Variants in NCAM2 observed in about 807,000 individuals in gnomAD.
NCAM2 encodes neural cell adhesion molecule 2.
NCAM2 carries 30 observed loss-of-function variants against 98.1 expected under a neutral mutation model. The observed-to-expected ratio is 0.31, with a 90% CI of 0.23 to 0.41. The LOEUF (loss-of-function observed/expected upper bound fraction) is 0.41. NCAM2 is among the 10% of genes least tolerant of loss of function. The probability of loss-of-function intolerance (pLI) is 1.00; values close to 1 mark genes in which losing one functional copy is unlikely to be tolerated. For synonymous variants in NCAM2, 368 were observed against 342.4 expected (o/e 1.07, Z -0.83); for missense variants, 867 against 1,005.8 (o/e 0.86, Z 1.87).
rs2146165598 is a variant in NCAM2 at position 21,456,036 on chromosome 21, C to T, written c.1655-10570C>T. ...AGAAACAAAAACCTGCCTAGTGTTGCAATTGGTGCGTTGATCTCAAATCTT... is the reference window on the plus strand; with the variant it reads ...AGAAACAAAAACCTGCCTAGTGTTGTAATTGGTGCGTTGATCTCAAATCTT... On this transcript the variant is annotated intron_variant, in intron 12 of 17. Transcript: ENST00000400546. 2.6e-5 allele frequency among the ~76,000 whole-genome samples: 4 copies of T among 152,148 alleles called. No individual in the cohort carries two copies. In the East Asian group the frequency reaches 7.7e-4, roughly 29 times the overall value.
chr21:21,053,345 A>G (rs1321067567), intron 1 of NCAM2, among the ~76,000 whole-genome samples: 1 of 151,990 alleles, frequency 6.6e-6, no homozygotes, highest in Non-Finnish European at 1.5e-5. Flanking sequence ...TCTTAAGTGA[A>G]TATGACATGT....
At chr21:21,488,312 CTCAT>C (rs1431060798) in intron 15 of NCAM2, among the ~76,000 whole-genome samples, 13 of 151,970 alleles carry the variant, frequency 8.6e-5, no homozygotes, top group Admixed American at 5.9e-4. Flanking sequence ...TGTAAGAATA[CTCAT>C]TCATTATGTT....
chr21:21,377,385 T>G (rs1034789064), intron 9 of NCAM2, among the ~76,000 whole-genome samples: 2 of 151,906 alleles, frequency 1.3e-5, no homozygotes, highest in African/African-American at 4.8e-5. Flanking sequence ...TCACTACAAT[T>G]TAGTTTACAT....
intron 15 of NCAM2, among the ~76,000 whole-genome samples, chr21:21,490,783 T>C (rs777664117): frequency 5.9e-5 from 9 of 152,024 alleles, no homozygotes; most frequent in Admixed American, 2.0e-4. Context: ...GCATTCGTTT[T>C]CATCATAGCT....
chr21:21,276,165 CTT>C (rs767593100), intron 1 of NCAM2, among the ~76,000 whole-genome samples: 5 of 152,024 alleles, frequency 3.3e-5, no homozygotes, highest in Non-Finnish European at 7.4e-5. Flanking sequence ...AATGGGCAAA[CTT>C]GATACACCCC....
intron 5 of NCAM2, among the ~76,000 whole-genome samples, chr21:21,323,285 C>G (rs1161843484): frequency 6.6e-6 from 1 of 152,086 alleles, no homozygotes; most frequent in Non-Finnish European, 1.5e-5. Flanking sequence ...ACTTTAGAGA[C>G]AACATGTCAG....
intron 1 of NCAM2, among the ~76,000 whole-genome samples, chr21:21,066,107 T>G (rs2065431512): frequency 6.6e-6 from 1 of 152,192 alleles, no homozygotes; most frequent in African/African-American, 2.4e-5. Flanking sequence ...TCATGGGATA[T>G]TCTATGTAAT....
At chr21:21,021,579 G>T (rs1197171713) in intron 1 of NCAM2, among the ~76,000 whole-genome samples, 7 of 152,148 alleles carry the variant, frequency 4.6e-5, no homozygotes, top group African/African-American at 1.7e-4. Context: ...TAGAAGGATT[G>T]ATTTGATTCC....
chr21:21,142,379 T>TA (rs2067186773), intron 1 of NCAM2, among the ~76,000 whole-genome samples: 2 of 140,086 alleles, frequency 1.4e-5, no homozygotes, highest in African/African-American at 5.3e-5. Context: ...TTTTTTATGT[T>TA]TTTTTTTTTT....
intron 1 of NCAM2, among the ~76,000 whole-genome samples, chr21:21,095,393 T>G (rs2066099793): frequency 6.6e-6 from 1 of 151,594 alleles, no homozygotes; most frequent in African/African-American, 2.4e-5. Flanking sequence ...ATTGTAAAAG[T>G]GATTTAAAGT....
At chr21:21,258,607 G>A (rs554984558) in intron 1 of NCAM2, among the ~76,000 whole-genome samples, 19 of 152,220 alleles carry the variant, frequency 1.2e-4, no homozygotes, top group African/African-American at 4.6e-4. Context: ...TGGCAGTATA[G>A]GAACTTGCTG....
chr21:21,018,222 T>G (rs1182666956), intron 1 of NCAM2, among the ~76,000 whole-genome samples: 1 of 152,214 alleles, frequency 6.6e-6, no homozygotes, highest in South Asian at 2.1e-4. Flanking sequence ...CTCCCCACTA[T>G]TTTTTCAAAG....
intron 10 of NCAM2, among the ~76,000 whole-genome samples, chr21:21,416,304 A>G (rs889129954): frequency 3.3e-5 from 5 of 152,178 alleles, no homozygotes; most frequent in African/African-American, 9.7e-5. Flanking sequence ...GTGGTTCTCC[A>G]AAACAGTTAC....
chr21:21,426,547 A>G (rs985617927), intron 11 of NCAM2, among the ~76,000 whole-genome samples: 1 of 152,172 alleles, frequency 6.6e-6, no homozygotes, highest in Admixed American at 6.5e-5. Flanking sequence ...AAAATAGCAT[A>G]AGCGTGGTCC....
intron 6 of NCAM2, among the ~76,000 whole-genome samples, chr21:21,334,962 A>T (rs1451331457): frequency 1.3e-5 from 2 of 152,080 alleles, no homozygotes; most frequent in Non-Finnish European, 2.9e-5. Flanking sequence ...AATAGTTTCT[A>T]AATTAATTGT....
chr21:21,499,794 A>G (rs1320886274), intron 15 of NCAM2, among the ~76,000 whole-genome samples: 1 of 152,190 alleles, frequency 6.6e-6, no homozygotes, highest in South Asian at 2.1e-4. Flanking sequence ...AGATAACTAG[A>G]TATGTATATC....
chr21:21,009,698 A>G (rs1174970908), intron 1 of NCAM2, among the ~76,000 whole-genome samples: 1 of 152,064 alleles, frequency 6.6e-6, no homozygotes, highest in Non-Finnish European at 1.5e-5. Flanking sequence ...AATCCCCCAT[A>G]GTTAATTAAA....
intron 1 of NCAM2, among the ~76,000 whole-genome samples, chr21:21,107,661 C>G (rs531785644): frequency 6.6e-6 from 1 of 152,094 alleles, no homozygotes; most frequent in Non-Finnish European, 1.5e-5. Flanking sequence ...AGGGAAGACT[C>G]TAATCCTAAA....
chr21:21,315,114 C>T (rs188501405), intron 5 of NCAM2, among the ~76,000 whole-genome samples: 17 of 152,114 alleles, frequency 1.1e-4, no homozygotes, highest in African/African-American at 3.6e-4. Context: ...GATCAGACAA[C>T]AAATTCTGAC....
Sources: gnomAD v4.1 joint callset for allele counts (sites outside exome capture counted in the v4.1 genomes callset) on GRCh38, gnomAD v4.1.1 for gene constraint, MANE v1.5 for transcripts, NCBI Gene and HGNC (gene_info 2026-07-23, HGNC 2026-07-21) for gene names.